RALGAPA2: variants seen among roughly 807,000 people sequenced by gnomAD.
The protein encoded by RALGAPA2 is ral GTPase-activating protein subunit alpha-2.
A neutral mutation model predicts 230.4 loss-of-function variants in RALGAPA2; 139 were observed. The ratio of observed to expected loss-of-function variants is 0.60; its 90% CI spans 0.53 to 0.69. The LOEUF is 0.69. RALGAPA2 is among the 30% of genes least tolerant of loss of function. RALGAPA2 has a pLI of 0.00. For synonymous variants in RALGAPA2, 847 were observed against 837.8 expected, an observed-to-expected ratio of 1.01 and a Z score of -0.19; for missense variants, 2,163 against 2,276.0, an observed-to-expected ratio of 0.95 and a Z score of 1.01.
chr20:20,611,958 A>T (rs974418354), intron 13 of RALGAPA2, among the ~76,000 whole-genome samples: 11 of 152,204 alleles, frequency 7.2e-5, no homozygotes, highest in Non-Finnish European at 1.5e-4. Context: ...GGACACTTAC[A>T]GGCACAGTGC....
At chr20:20,469,614 T>C (rs541000867) in intron 37 of RALGAPA2, among the ~76,000 whole-genome samples, 66 of 152,342 alleles carry the variant, frequency 4.3e-4, no homozygotes, top group African/African-American at 1.6e-3. Context: ...ACCATCTGTT[T>C]GATTCAGGGT....
At chr20:20,432,505 T>C (rs1316280576) in intron 37 of RALGAPA2, among the ~76,000 whole-genome samples, 3 of 152,190 alleles carry the variant, frequency 2.0e-5, no homozygotes, top group Admixed American at 6.5e-5. Flanking sequence ...GGCACCTACC[T>C]GGATTTTTAA....
At chr20:20,583,332 A>C in intron 19 of RALGAPA2, 106 bp from the exon 20 acceptor site, 1 of 1,229,458 alleles carries the variant, frequency 8.1e-7, no homozygotes. Flanking sequence ...ACACAGTAGG[A>C]ATCATTCATG....
chr20:20,625,129 C>A (rs1422125841), intron 10 of RALGAPA2, among the ~76,000 whole-genome samples: 1 of 152,144 alleles, frequency 6.6e-6, no homozygotes, highest in Non-Finnish European at 1.5e-5. Context: ...GCTGGCCTAT[C>A]TGCACCCACC....
intron 37 of RALGAPA2, chr20:20,472,039 C>T (rs1222491928): frequency 6.6e-6 from 1 of 152,118 alleles, no homozygotes; most frequent in Non-Finnish European, 1.5e-5. Context: ...CAAAGAGATT[C>T]TAAGTTTTAT....
In RALGAPA2 at chr20:20,572,934, G is replaced by A; in HGVS notation, c.2842C>T (p.Pro948Ser). 1 of 1,576,078 alleles carries A rather than the reference G, an allele frequency of 6.3e-7. No individual in the cohort carries two copies. Among genetic ancestry groups the A allele is most frequent in the Non-Finnish European group, 8.6e-7 (1 of 1,160,020 alleles). ...CAGAAAACTCTGGCATGGATCTTGGGTGACTGGATGTTATTCACATCTCCG... is the reference window on the plus strand; with the variant it reads ...CAGAAAACTCTGGCATGGATCTTGGATGACTGGATGTTATTCACATCTCCG... ...ILGDVNNIQS[P>S]KIHARVFCYL... Residue 948 changes from proline (P) to serine (S), a missense_variant, in exon 21 of 40, where the codon CCC becomes TCC. Transcript: ENST00000202677.
At chr20:20,582,235 C>T (rs1030524860) in intron 20 of RALGAPA2, among the ~76,000 whole-genome samples, 6 of 151,864 alleles carry the variant, frequency 4.0e-5, no homozygotes, top group African/African-American at 1.2e-4. Context: ...CTACACCACA[C>T]ACAATATTTT....
At chr20:20,439,677 C>T (rs2060693851) in intron 37 of RALGAPA2, among the ~76,000 whole-genome samples, 1 of 152,184 alleles carries the variant, frequency 6.6e-6, no homozygotes, top group Non-Finnish European at 1.5e-5. Context: ...GTTCAAGTCC[C>T]TCTGAATCCA....
At chr20:20,583,543 G>A (rs1287079163) in intron 19 of RALGAPA2, among the ~76,000 whole-genome samples, 7 of 152,060 alleles carry the variant, frequency 4.6e-5, no homozygotes, top group Non-Finnish European at 8.8e-5. Flanking sequence ...AAGTGTGCTG[G>A]GACTTACAAA....
chr20:20,688,489 G>A (rs374043371), intron 1 of RALGAPA2, among the ~76,000 whole-genome samples: 4 of 152,288 alleles, frequency 2.6e-5, no homozygotes, highest in African/African-American at 2.4e-5. Context: ...AAGCCCAGGT[G>A]GGGAAGGATG....
At chr20:20,565,641 T>G (rs1053998541) in intron 23 of RALGAPA2, among the ~76,000 whole-genome samples, 72 of 152,086 alleles carry the variant, frequency 4.7e-4, no homozygotes, top group Non-Finnish European at 3.4e-4. Context: ...AAAATTATGG[T>G]TTTTTTTAAC....
chr20:20,401,634 T>C (rs2059841634), intron 38 of RALGAPA2, among the ~76,000 whole-genome samples: 1 of 152,128 alleles, frequency 6.6e-6, no homozygotes, highest in South Asian at 2.1e-4. Context: ...TCCCTAATAA[T>C]CAACAGCTCA....
At chr20:20,458,563 A>ATATATAATATATATGTATTTTATATATAT in intron 37 of RALGAPA2, among the ~76,000 whole-genome samples, 1 of 125,000 alleles carries the variant, frequency 8.0e-6, no homozygotes, top group African/African-American at 3.5e-5. Flanking sequence ...TATATATATT[A>ATATATAATATATATGTATTTTATATATAT]TATATATAAT....
At position 20,505,447 on chromosome 20, in the gene RALGAPA2, T is replaced by C. The variant is rs766970734; in HGVS notation, c.5016A>G (p.Gln1672=). The C allele has an allele frequency of 6.2e-7, 1 of 1,602,228 alleles. No homozygotes were observed. The highest frequency in any genetic ancestry group is 1.1e-5 in the South Asian group (1 of 88,758). Residue 1672 remains glutamine, a synonymous_variant, in exon 34 of 40, where the codon CAA becomes CAG. Transcript: ENST00000202677. ...CSILSNERGS[Q]AYEDFVAGLG... ...GTCCAGCAACAAAGTCTTCATATGC[T>C]TGGCTTCCTCTTTCATTAGAGAGGA...
intron 18 of RALGAPA2, among the ~76,000 whole-genome samples, chr20:20,587,470 GA>G (rs981643033): frequency 6.6e-6 from 1 of 151,448 alleles, no homozygotes; most frequent in East Asian, 1.9e-4. Context: ...ATCTATTCAG[GA>G]AAAAAAATGA....
At chr20:20,646,414 G>T (rs2067217493) in intron 4 of RALGAPA2, among the ~76,000 whole-genome samples, 1 of 152,096 alleles carries the variant, frequency 6.6e-6, no homozygotes, top group African/African-American at 2.4e-5. Flanking sequence ...TAATTTTTAA[G>T]TTCCTCTATA....
intron 3 of RALGAPA2, among the ~76,000 whole-genome samples, chr20:20,668,553 T>G (rs1306242404): frequency 1.3e-5 from 2 of 152,202 alleles, no homozygotes; most frequent in Non-Finnish European, 2.9e-5. Flanking sequence ...ATAAAAAACA[T>G]GGAGTTAGAG....
Position 20,398,268 on chromosome 20 carries a change from C to T in RALGAPA2, c.5618-1534G>A, listed in dbSNP as rs369511962. Among the ~76,000 whole-genome samples the T allele has an allele frequency of 3.3e-5, 5 of 152,186 alleles. No individual in the cohort carries two copies. The highest frequency in any genetic ancestry group is 2.1e-4 in the South Asian group (1 of 4,826). ...GCCCCTCAGCCCTGGTTATGCTGTG[C>T]GTACAGGCACCCGATTGGTAGAAAC... On this transcript the variant is annotated intron_variant, in intron 38 of 39. Coordinates refer to ENST00000202677, the MANE Select transcript of RALGAPA2 (RefSeq NM_020343.4). The surrounding 1 kb of genome is among the most constrained non-coding windows in gnomAD (Gnocchi z 4.5).
At chr20:20,672,068 C>T (rs1461498047) in intron 3 of RALGAPA2, among the ~76,000 whole-genome samples, 1 of 152,194 alleles carries the variant, frequency 6.6e-6, no homozygotes, top group Non-Finnish European at 1.5e-5. Flanking sequence ...TTACAGGTGA[C>T]TATCCCCTCC....
Sources: allele counts gnomAD v4.1 joint callset (sites outside exome capture counted in the v4.1 genomes callset), GRCh38; gene constraint gnomAD v4.1.1; non-coding constraint Gnocchi (gnomAD v3.1); transcripts MANE v1.5; gene names NCBI Gene and HGNC (gene_info 2026-07-23, HGNC 2026-07-21).